The following SPATA45 variants were observed in gnomAD, a reference collection of about 807,000 sequenced individuals.
SPATA45 encodes the protein spermatogenesis associated 45, also known as spermatogenesis-associated protein 45.
Under a neutral mutation model 7.0 loss-of-function variants are expected in SPATA45, and 5 were observed. That is an observed-to-expected ratio of 0.71 (90% CI 0.37 to 1.50). The LOEUF (loss-of-function observed/expected upper bound fraction) is 1.50. SPATA45 is among the 40% of genes most tolerant of loss of function. The pLI is 0.03. For missense variants in SPATA45, 111 were observed against 114.9 expected (o/e 0.97, Z 0.16); for synonymous variants, 40 against 38.7 (o/e 1.03, Z -0.13).
intron 1 of SPATA45, among the ~76,000 whole-genome samples, chr1:212,843,686 T>C: frequency 6.6e-6 from 1 of 152,224 alleles, no homozygotes; most frequent in East Asian, 1.9e-4. Flanking sequence ...TTGGGTCTCA[T>C]GCCTGTGAAA....
chr1:212,830,595 C>G lies in SPATA45; in HGVS notation c.278-334G>C, dbSNP rs113667835. 5.0e-3 allele frequency among the ~76,000 whole-genome samples: 756 copies of G among 150,858 alleles called. 8 individuals are homozygous for G. The highest frequency in any genetic ancestry group is 0.017 in the African/African-American group (718 of 41,242). ...GCTGAGACAAGAGAATCGGTTGAAC[C>G]CAGGAGGCGGAACGTGCAGTGAGCC... is the stretch of plus-strand genomic sequence containing the variant. On this transcript the variant is annotated intron_variant, in intron 2 of 2. Coordinates refer to ENST00000332912, the MANE Select transcript of SPATA45 (RefSeq NM_001024601.3).
intron 1 of SPATA45, among the ~76,000 whole-genome samples, chr1:212,840,530 G>A (rs915849500): frequency 1.3e-5 from 2 of 151,832 alleles, no homozygotes; most frequent in African/African-American, 4.8e-5. Flanking sequence ...AGCGATTCTC[G>A]TGCCTCAGCC....
At chr1:212,839,740 A>C (rs1023619388) in intron 1 of SPATA45, among the ~76,000 whole-genome samples, 3 of 151,700 alleles carry the variant, frequency 2.0e-5, no homozygotes, top group African/African-American at 7.2e-5. Flanking sequence ...GGATATGAAT[A>C]AACTTTGGGG....
At chr1:212,833,503 CAAAAA>C (rs35760900) in intron 2 of SPATA45, among the ~76,000 whole-genome samples, 2 of 108,780 alleles carry the variant, frequency 1.8e-5, no homozygotes, top group Non-Finnish European at 3.7e-5. Context: ...TACTAAAATA[CAAAAA>C]AAAAAAAAAA....
intron 2 of SPATA45, among the ~76,000 whole-genome samples, chr1:212,830,555 C>T (rs1663467448): frequency 6.7e-6 from 1 of 150,278 alleles, no homozygotes; most frequent in African/African-American, 2.4e-5. Flanking sequence ...TCCTGTAGTC[C>T]CAGCTACTCA....
At chr1:212,832,264 A>G (rs1571988931) in intron 2 of SPATA45, among the ~76,000 whole-genome samples, 1 of 150,418 alleles carries the variant, frequency 6.6e-6, no homozygotes, top group African/African-American at 2.4e-5. Flanking sequence ...TCGGCCTCCC[A>G]AAATGCTGGG....
rs576586913 is a variant in SPATA45, at chr1:212,845,053, C to T, written c.-39+2527G>A. Among the ~76,000 whole-genome samples, 6 of 152,294 alleles carry T rather than the reference C, an allele frequency of 3.9e-5. No homozygotes were observed. In the East Asian group the frequency reaches 1.2e-3, roughly 29 times the overall value. On this transcript the variant is annotated intron_variant, in intron 1 of 2. Coordinates refer to ENST00000332912, the MANE Select transcript of SPATA45 (RefSeq NM_001024601.3). ...CCTATCAATCTCTTCCCACACAAGG[C>T]AAATGGTTCTTGGACCAAGGAAAAT... is the stretch of plus-strand genomic sequence containing the variant.
chr1:212,846,079 C>T (rs181428009), intron 1 of SPATA45, among the ~76,000 whole-genome samples: 10 of 152,248 alleles, frequency 6.6e-5, no homozygotes, highest in Admixed American at 1.3e-4. Context: ...TTCTCTTATT[C>T]GGACCTTGTG....
At chr1:212,844,480 C>A (rs1663753544) in intron 1 of SPATA45, among the ~76,000 whole-genome samples, 1 of 152,122 alleles carries the variant, frequency 6.6e-6, no homozygotes, top group Non-Finnish European at 1.5e-5. Context: ...GACATTCACT[C>A]CATTTCCCCA....
intron 1 of SPATA45, among the ~76,000 whole-genome samples, chr1:212,843,701 T>C (rs2102514406): frequency 6.6e-6 from 1 of 152,314 alleles, no homozygotes; most frequent in East Asian, 1.9e-4. Context: ...GTGAAACTGG[T>C]CCTGTGTGTG....
intron 1 of SPATA45, among the ~76,000 whole-genome samples, chr1:212,847,063 G>T (rs1212473746): frequency 6.6e-6 from 1 of 151,920 alleles, no homozygotes; most frequent in Non-Finnish European, 1.5e-5. Flanking sequence ...GCTAATTTTT[G>T]TATTTTTTGT....
chr1:212,833,189 C>G (rs1198749347), intron 2 of SPATA45, among the ~76,000 whole-genome samples: 1 of 151,476 alleles, frequency 6.6e-6, no homozygotes, highest in Middle Eastern at 3.2e-3. Context: ...TTGGTGCACC[C>G]ATCAACCGAG....
intron 1 of SPATA45, among the ~76,000 whole-genome samples, chr1:212,844,034 A>G (rs1267672734): frequency 6.6e-6 from 1 of 152,120 alleles, no homozygotes; most frequent in African/African-American, 2.4e-5. Context: ...AGCTGCTCCC[A>G]CACTAGCTCT....
intron 1 of SPATA45, among the ~76,000 whole-genome samples, chr1:212,841,033 T>C (rs1663672942): frequency 6.6e-6 from 1 of 152,028 alleles, no homozygotes. Flanking sequence ...CCTGACTCCC[T>C]GGTTTCATGC....
chr1:212,838,609 G>T (rs552539370), intron 1 of SPATA45, among the ~76,000 whole-genome samples: 2 of 151,850 alleles, frequency 1.3e-5, no homozygotes, highest in South Asian at 2.1e-4. Flanking sequence ...ATAAAGAAAT[G>T]TATCTGTACA....
intron 1 of SPATA45, among the ~76,000 whole-genome samples, chr1:212,836,980 T>C (rs889811665): frequency 2.0e-5 from 3 of 151,532 alleles, no homozygotes; most frequent in South Asian, 2.1e-4. Flanking sequence ...TATTATTGTT[T>C]CTTAAGGGTT....
In SPATA45 at chr1:212,836,050, A is replaced by G. The variant is rs758710499; in HGVS notation, c.100T>C (p.Leu34=). ...CTGACTTGATTGCTTCGTTCCACCA[A>G]GCAGTTGGATTCACGCTTTTTGTTT... ...EINKKRESNC[L]VERSNQVSLL... The change falls in exon 2 of 3, where the codon TTG becomes CTG. Residue 34 remains leucine (L), a synonymous_variant. Transcript: ENST00000332912. 6.2e-7 allele frequency: 1 copy of G among 1,611,100 alleles called. No homozygotes were observed. Among genetic ancestry groups the G allele is most frequent in the Non-Finnish European group, 8.5e-7 (1 of 1,177,788 alleles).
chr1:212,847,283 T>C (rs1365081432), intron 1 of SPATA45, among the ~76,000 whole-genome samples: 1 of 152,236 alleles, frequency 6.6e-6, no homozygotes, highest in African/African-American at 2.4e-5. Flanking sequence ...TAAAATGTAT[T>C]TGTTATACAT....
intron 1 of SPATA45, among the ~76,000 whole-genome samples, chr1:212,840,617 G>A (rs116748172): frequency 0.013 from 1,940 of 151,174 alleles, 31 homozygotes; most frequent in African/African-American, 0.045. Flanking sequence ...CACCGCCCTC[G>A]CCTGTTTTGT....
Sources: allele counts gnomAD v4.1 joint callset (sites outside exome capture counted in the v4.1 genomes callset), GRCh38; gene constraint gnomAD v4.1.1; transcripts MANE v1.5; gene names NCBI Gene and HGNC (gene_info 2026-07-23, HGNC 2026-07-21).